SERPINE2: variants seen among roughly 807,000 people sequenced by gnomAD.
The protein encoded by SERPINE2 is serpin family E member 2.
SERPINE2 carries 14 observed loss-of-function variants against 36.3 expected under a neutral mutation model. The ratio of observed to expected loss-of-function variants is 0.39; its 90% CI spans 0.25 to 0.60. The LOEUF (loss-of-function observed/expected upper bound fraction) is 0.60. Among genes scored for constraint, SERPINE2 ranks in the 20% least tolerant of loss-of-function variants. The pLI is 0.57. For missense variants in SERPINE2, 418 were observed against 499.6 expected, an observed-to-expected ratio of 0.84 and a Z score of 1.56; for synonymous variants, 192 against 191.8, an observed-to-expected ratio of 1.00 and a Z score of -0.01.
chr2:224,029,244 C>G (rs1285811721), intron 1 of SERPINE2, among the ~76,000 whole-genome samples: 1 of 152,182 alleles, frequency 6.6e-6, no homozygotes, highest in African/African-American at 2.4e-5. Context: ...AGAAAGAAAG[C>G]TCTCCCTTAC....
intron 3 of SERPINE2, 103 bp from the exon 4 acceptor site, chr2:223,992,103 T>C (rs1324209754): frequency 2.0e-6 from 2 of 978,546 alleles, no homozygotes; most frequent in Non-Finnish European, 3.2e-6. Flanking sequence ...AATCAAAGGA[T>C]TTTTAAGGAG....
At chr2:224,033,460 AG>A (rs1198624742) in intron 1 of SERPINE2, among the ~76,000 whole-genome samples, 2 of 152,192 alleles carry the variant, frequency 1.3e-5, no homozygotes, top group Non-Finnish European at 2.9e-5. Flanking sequence ...CCACATCAAA[AG>A]GAAACTGAGC....
chr2:224,014,983 A>AT (rs1328813146), intron 1 of SERPINE2, among the ~76,000 whole-genome samples: 2 of 145,014 alleles, frequency 1.4e-5, no homozygotes, highest in South Asian at 2.2e-4. Context: ...ATCTGAAGAC[A>AT]TTTTTTTTGG....
chr2:223,997,637 A>G (rs562845387), intron 3 of SERPINE2, among the ~76,000 whole-genome samples: 1 of 152,200 alleles, frequency 6.6e-6, no homozygotes, highest in South Asian at 2.1e-4. Context: ...GGGGGGTGTA[A>G]AAGTTGTAAT....
intron 1 of SERPINE2, chr2:224,031,571 G>C (rs992478522): frequency 6.7e-6 from 6 of 899,216 alleles, no homozygotes; most frequent in Middle Eastern, 5.6e-4. Flanking sequence ...ACGTGACCTA[G>C]CATCAGCCAA....
intron 1 of SERPINE2, among the ~76,000 whole-genome samples, chr2:224,031,764 C>A (rs1294718618): frequency 6.7e-6 from 1 of 149,186 alleles, no homozygotes; most frequent in Admixed American, 6.7e-5. Context: ...CCCCCACCCC[C>A]CCCGCCGGCT....
Position 223,980,417 on chromosome 2 carries a change from C to G in SERPINE2, c.986-20G>C. The G allele has an allele frequency of 1.2e-6, 2 of 1,605,622 alleles. No homozygotes were observed. The highest frequency in any genetic ancestry group is 1.7e-6 in the Non-Finnish European group (2 of 1,172,344). ...CTGACCCTGCTTCCAGAAAATAAAA[C>G]AGTATCAGCATTTGTTTGATAGGCA... On this transcript the variant is annotated intron_variant, in intron 6 of 8. Coordinates refer to ENST00000409304, the MANE Select transcript of SERPINE2 (RefSeq NM_001136528.2).
chr2:224,038,638 A>T (rs1319497957), intron 1 of SERPINE2: 6 of 822,070 alleles, frequency 7.3e-6, no homozygotes, highest in Non-Finnish European at 1.0e-5. Flanking sequence ...AGGCAGAGGT[A>T]ACAAGTAAGA....
At chr2:224,004,349 A>G (rs1559208513) in intron 1 of SERPINE2, among the ~76,000 whole-genome samples, 1 of 152,208 alleles carries the variant, frequency 6.6e-6, no homozygotes, top group Admixed American at 6.5e-5. Flanking sequence ...ATGTTGTGAA[A>G]CAAGCGCTTT....
intron 3 of SERPINE2, among the ~76,000 whole-genome samples, chr2:223,996,223 G>C (rs12479146): frequency 0.26 from 39,949 of 151,874 alleles, 6,385 homozygotes; most frequent in African/African-American, 0.45. Context: ...CAGCGGCTAA[G>C]AGGACAAAAT....
intron 4 of SERPINE2, 57 bp from the exon 5 acceptor site, chr2:223,985,007 A>T (rs2106140490): frequency 1.3e-6 from 2 of 1,508,792 alleles, no homozygotes; most frequent in East Asian, 2.3e-5. Flanking sequence ...AAGCAGGATG[A>T]GTGCTTGCTG....
intron 7 of SERPINE2, chr2:223,979,925 G>C (rs573118378): frequency 6.4e-6 from 1 of 155,718 alleles, no homozygotes. Flanking sequence ...TATAAATAAA[G>C]TTTTATTGGA....
At chr2:223,997,208 G>GT (rs535998301) in intron 3 of SERPINE2, among the ~76,000 whole-genome samples, 1 of 135,774 alleles carries the variant, frequency 7.4e-6, no homozygotes, top group Non-Finnish European at 1.6e-5. Context: ...AGGTTTTTTT[G>GT]TTTTTTTGTT....
At chr2:224,027,471 A>G (rs1692223885) in intron 1 of SERPINE2, among the ~76,000 whole-genome samples, 1 of 152,090 alleles carries the variant, frequency 6.6e-6, no homozygotes, top group African/African-American at 2.4e-5. Context: ...GTCCACACTG[A>G]CCACTGCCAG....
At chr2:223,985,603 A>G (rs969215505) in intron 4 of SERPINE2, among the ~76,000 whole-genome samples, 3 of 152,192 alleles carry the variant, frequency 2.0e-5, no homozygotes, top group Admixed American at 6.5e-5. Flanking sequence ...TGCCAGGCCC[A>G]TATCAACCCT....
At chr2:223,977,731 G>A (rs936384042) in intron 7 of SERPINE2, 104 bp from the exon 8 acceptor site, 3 of 758,726 alleles carry the variant, frequency 4.0e-6, no homozygotes, top group Middle Eastern at 2.3e-4. Context: ...GCTGGTGTCT[G>A]AAGACACACT....
intron 1 of SERPINE2, among the ~76,000 whole-genome samples, chr2:224,027,942 T>C (rs893067546): frequency 6.6e-6 from 1 of 152,192 alleles, no homozygotes; most frequent in East Asian, 1.9e-4. Context: ...GAACAAGTCT[T>C]GTGGACTCTC....
At chr2:224,017,234 T>C (rs1447980178) in intron 1 of SERPINE2, among the ~76,000 whole-genome samples, 2 of 149,526 alleles carry the variant, frequency 1.3e-5, no homozygotes, top group Non-Finnish European at 3.0e-5. Context: ...GGAAACCAGG[T>C]AAAGGGTACA....
intron 1 of SERPINE2, among the ~76,000 whole-genome samples, chr2:224,002,771 CG>C (rs1436332043): frequency 4.0e-5 from 6 of 150,170 alleles, no homozygotes; most frequent in Non-Finnish European, 7.4e-5. Context: ...GGATTACAGG[CG>C]TGAGCCACCA....
Sources: allele counts gnomAD v4.1 joint callset (sites outside exome capture counted in the v4.1 genomes callset), GRCh38; gene constraint gnomAD v4.1.1; transcripts MANE v1.5; gene names NCBI Gene and HGNC (gene_info 2026-07-23, HGNC 2026-07-21).